The following RNF6 variants were observed in gnomAD, a reference collection of about 807,000 sequenced individuals.
RNF6 encodes the protein ring finger protein 6.
In RNF6, 21 loss-of-function variants were observed where a neutral mutation model predicts 50.1. That is an observed-to-expected ratio of 0.42 (90% CI 0.30 to 0.60). The LOEUF (loss-of-function observed/expected upper bound fraction) is 0.60. RNF6 is among the 20% of genes least tolerant of loss of function. RNF6 has a pLI of 0.20. For missense variants in RNF6, 698 were observed against 838.2 expected (o/e 0.83, Z 2.07); for synonymous variants, 255 against 291.8 (o/e 0.87, Z 1.29).
chr13:26,150,063 TAC>T (rs1175670921), intron 5 of RNF6, among the ~76,000 whole-genome samples: 4 of 144,668 alleles, frequency 2.8e-5, no homozygotes, highest in Non-Finnish European at 6.1e-5. Context: ...TATATATATA[TAC>T]ATATACATAC....
intron 5 of RNF6, among the ~76,000 whole-genome samples, chr13:26,174,506 A>G (rs886456590): frequency 3.3e-5 from 5 of 151,248 alleles, no homozygotes; most frequent in African/African-American, 1.2e-4. Context: ...CAAAAAAAAA[A>G]TTAGCTGAGC....
At chr13:26,203,615 G>C (rs1197043798) in intron 5 of RNF6, among the ~76,000 whole-genome samples, 3 of 152,224 alleles carry the variant, frequency 2.0e-5, no homozygotes, top group Non-Finnish European at 2.9e-5. Flanking sequence ...TATTAGAACT[G>C]GGCCATTTCT....
chr13:26,157,385 T>A (rs1229447150), intron 5 of RNF6, among the ~76,000 whole-genome samples: 1 of 152,096 alleles, frequency 6.6e-6, no homozygotes, highest in Non-Finnish European at 1.5e-5. Flanking sequence ...GAGAACACAA[T>A]GGCAGTGGGT....
At position 26,165,266 on chromosome 13, in the gene RNF6, T is replaced by C. The variant is rs117096692; in HGVS notation, n.769-32815A>G. Among the ~76,000 whole-genome samples the C allele has an allele frequency of 7.2e-5, 11 of 152,340 alleles. No homozygotes were observed. The East Asian group carries it at 1.9e-3, about 27-fold the overall frequency. On this transcript the variant is annotated intron_variant and non_coding_transcript_variant, in intron 5 of 5. Coordinates refer to the RNF6 transcript ENST00000468480. Reference sequence around the variant, plus strand: ...CCTGCCAGTGCACCGAAGTCAAGAATTGAGGTTTGGGAACCTCCATCTAGA... The same window carrying C: ...CCTGCCAGTGCACCGAAGTCAAGAACTGAGGTTTGGGAACCTCCATCTAGA...
chr13:26,214,765 C>G lies in RNF6; in HGVS notation c.1117G>C (p.Val373Leu), dbSNP rs752710777. Residue 373 changes from valine to leucine, a missense_variant, in exon 5 of 5, where the codon GTG becomes CTG. Transcript: ENST00000381588. ...AYTPFSNSRL[V>L]SRITVEEGEE... is the part of the protein sequence containing the mutation. ...CCTTCTTCTACTGTTATTCTTGACA[C>G]AAGCCTTGAATTAGAGAATGGGGTA... The G allele has an allele frequency of 3.7e-5, 59 of 1,614,182 alleles. No homozygotes were observed. In the East Asian group the frequency reaches 1.3e-3, roughly 35 times the overall value.
At chr13:26,221,386 G>A (rs1012235686) in intron 1 of RNF6, 56 bp from the exon 2 acceptor site, 4 of 152,170 alleles carry the variant, frequency 2.6e-5, no homozygotes, top group African/African-American at 4.8e-5. Flanking sequence ...TAAAGGCCAG[G>A]AACGGGTGGT....
chr13:26,141,320 CAGG>C (rs1432243562), intron 5 of RNF6, among the ~76,000 whole-genome samples: 1 of 151,402 alleles, frequency 6.6e-6, no homozygotes, highest in Non-Finnish European at 1.5e-5. Context: ...CCTAGCTACT[CAGG>C]AGGCTGAGGC....
chr13:26,140,709 G>T (rs943971958), intron 5 of RNF6, among the ~76,000 whole-genome samples: 1 of 152,146 alleles, frequency 6.6e-6, no homozygotes, highest in African/African-American at 2.4e-5. Context: ...CATCATTGAT[G>T]ATATGATTCT....
At chr13:26,163,290 A>C (rs903676590) in intron 5 of RNF6, among the ~76,000 whole-genome samples, 1 of 151,634 alleles carries the variant, frequency 6.6e-6, no homozygotes, top group African/African-American at 2.4e-5. Context: ...CCAGCCTGGG[A>C]GACAGAGAGA....
intron 5 of RNF6, among the ~76,000 whole-genome samples, chr13:26,142,783 C>G (rs561352080): frequency 1.3e-5 from 2 of 152,204 alleles, no homozygotes; most frequent in Admixed American, 1.3e-4. Flanking sequence ...GTGTTCACTA[C>G]CTGGGTGATG....
chr13:26,134,896 AT>A (rs1363968395), intron 5 of RNF6, among the ~76,000 whole-genome samples: 1 of 152,154 alleles, frequency 6.6e-6, no homozygotes, highest in Non-Finnish European at 1.5e-5. Flanking sequence ...TATTTATATT[AT>A]TTTTAAAAAG....
At chr13:26,207,129 C>G (rs916595299) in intron 5 of RNF6, among the ~76,000 whole-genome samples, 1 of 151,368 alleles carries the variant, frequency 6.6e-6, no homozygotes, top group South Asian at 2.1e-4. Context: ...AAGATGAGGA[C>G]TTGCAGGAGT....
intron 5 of RNF6, among the ~76,000 whole-genome samples, chr13:26,145,451 G>T (rs573333161): frequency 1.7e-3 from 25 of 14,772 alleles, no homozygotes; most frequent in East Asian, 0.016. Flanking sequence ...ATCATGGGGA[G>T]GGGGGGGGAC....
chr13:26,135,834 T>A (rs188836373), intron 5 of RNF6, among the ~76,000 whole-genome samples: 9 of 152,132 alleles, frequency 5.9e-5, no homozygotes, highest in Admixed American at 5.9e-4. Context: ...TTTCACTCTA[T>A]AATTTCGTTG....
chr13:26,181,741 C>T (rs780110106), intron 5 of RNF6, among the ~76,000 whole-genome samples: 74 of 152,292 alleles, frequency 4.9e-4, no homozygotes, highest in Admixed American at 2.0e-3. Context: ...TGCTCCAATG[C>T]TTTTCTATGC....
intron 5 of RNF6, among the ~76,000 whole-genome samples, chr13:26,178,269 A>G (rs1873060200): frequency 6.6e-6 from 1 of 152,206 alleles, no homozygotes; most frequent in African/African-American, 2.4e-5. Flanking sequence ...CTGAAGGCTA[A>G]GAAGCCCATC....
chr13:26,168,192 C>T lies in RNF6; in HGVS notation n.769-35741G>A, dbSNP rs558705423. On this transcript the variant is annotated intron_variant and non_coding_transcript_variant, in intron 5 of 5. Coordinates refer to the RNF6 transcript ENST00000468480. The stretch of plus-strand genomic sequence containing the variant: ...ACAAACCTGCACATGTACCTATGAA[C>T]CTAAAATAAAAGTTTGAAAAAGAGA... 2.0e-5 allele frequency among the ~76,000 whole-genome samples: 3 copies of T among 152,256 alleles called. No homozygotes were observed. The South Asian group carries it at 6.2e-4, about 32-fold the overall frequency.
intron 5 of RNF6, among the ~76,000 whole-genome samples, chr13:26,207,270 C>T (rs952772151): frequency 6.6e-6 from 1 of 151,008 alleles, no homozygotes; most frequent in Non-Finnish European, 1.5e-5. Flanking sequence ...AGATACCCTG[C>T]GAGGGATCCT....
At position 26,213,987 on chromosome 13, in the gene RNF6, C is replaced by T; in HGVS notation, c.1895G>A (p.Cys632Tyr). 2.5e-6 allele frequency: 4 copies of T among 1,614,196 alleles called. No individual in the cohort carries two copies. The highest frequency in any genetic ancestry group is 3.4e-6 in the Non-Finnish European group (4 of 1,180,034). ...NSIDSELGKI[C>Y]SVCISDYVTG... Reference sequence around the variant, plus strand: ...TACATAGTCACTAATACAAACACTACAGATTTTACCTAGTTCACTATCAAT... The same window carrying T: ...TACATAGTCACTAATACAAACACTATAGATTTTACCTAGTTCACTATCAAT... Residue 632 changes from cysteine to tyrosine, a missense_variant, in exon 5 of 5, where the codon TGT becomes TAT. Transcript: ENST00000381588.
Sources: allele counts gnomAD v4.1 joint callset (sites outside exome capture counted in the v4.1 genomes callset), GRCh38; gene constraint gnomAD v4.1.1; transcripts MANE v1.5; gene names NCBI Gene and HGNC (gene_info 2026-07-23, HGNC 2026-07-21).